The following DEPTOR variants were observed in gnomAD, a reference collection of about 807,000 sequenced individuals.
The protein encoded by DEPTOR is DEP domain-containing mTOR-interacting protein.
A neutral mutation model predicts 41.6 loss-of-function variants in DEPTOR; 41 were observed. That is an observed-to-expected ratio of 0.98 (90% CI 0.77 to 1.28). The LOEUF is 1.28. Among genes scored for constraint, DEPTOR ranks in the 50% most tolerant of loss-of-function variants. DEPTOR has a pLI of 0.00. For missense variants in DEPTOR, 514 were observed against 527.9 expected (o/e 0.97, Z 0.26); for synonymous variants, 195 against 192.3 (o/e 1.01, Z -0.12).
intron 1 of DEPTOR, among the ~76,000 whole-genome samples, chr8:119,899,759 T>C: frequency 6.6e-6 from 1 of 152,224 alleles, no homozygotes; most frequent in East Asian, 1.9e-4. Flanking sequence ...TCTGGAAATA[T>C]CTTACCTATC....
intron 3 of DEPTOR, among the ~76,000 whole-genome samples, chr8:119,947,923 T>C (rs1828303643): frequency 6.6e-6 from 1 of 152,008 alleles, no homozygotes; most frequent in African/African-American, 2.4e-5. Context: ...TCCCCCATCC[T>C]CTCCCTGCCC....
At chr8:119,900,533 T>C (rs1827577076) in intron 1 of DEPTOR, among the ~76,000 whole-genome samples, 1 of 151,384 alleles carries the variant, frequency 6.6e-6, no homozygotes, top group South Asian at 2.1e-4. Flanking sequence ...ACTACAGGCA[T>C]GTGCCACCAC....
At chr8:120,016,890 G>T (rs1812620167) in intron 8 of DEPTOR, among the ~76,000 whole-genome samples, 1 of 152,074 alleles carries the variant, frequency 6.6e-6, no homozygotes, top group South Asian at 2.1e-4. Context: ...TGAGATTACA[G>T]GCTTAAGCCA....
chr8:119,979,410 G>A (rs1032443935), intron 4 of DEPTOR, among the ~76,000 whole-genome samples: 1 of 151,942 alleles, frequency 6.6e-6, no homozygotes, highest in Non-Finnish European at 1.5e-5. Context: ...CCAAGTAGCT[G>A]GGACTATGGG....
At chr8:119,897,208 A>G (rs1827531233) in intron 1 of DEPTOR, among the ~76,000 whole-genome samples, 1 of 152,332 alleles carries the variant, frequency 6.6e-6, no homozygotes, top group East Asian at 1.9e-4. Flanking sequence ...TAAGGGATAG[A>G]TTATCCAACA....
At chr8:119,959,714 A>G (rs1828465920) in intron 3 of DEPTOR, among the ~76,000 whole-genome samples, 1 of 151,894 alleles carries the variant, frequency 6.6e-6, no homozygotes, top group African/African-American at 2.4e-5. Context: ...TATTTTTAGT[A>G]GAGATGGGGT....
intron 1 of DEPTOR, among the ~76,000 whole-genome samples, chr8:119,921,768 G>GT (rs1827898956): frequency 7.5e-6 from 1 of 133,044 alleles, no homozygotes; most frequent in African/African-American, 3.0e-5. Flanking sequence ...TTGTTTGTTT[G>GT]TTTGTTTTTT....
chr8:119,964,026 G>A (rs1180732447), intron 3 of DEPTOR, among the ~76,000 whole-genome samples: 2 of 152,120 alleles, frequency 1.3e-5, no homozygotes, highest in Non-Finnish European at 2.9e-5. Context: ...CTGCTTCTTG[G>A]TTTGCAGATG....
intron 1 of DEPTOR, among the ~76,000 whole-genome samples, chr8:119,883,331 C>T (rs1450087858): frequency 1.3e-5 from 2 of 151,714 alleles, no homozygotes; most frequent in African/African-American, 2.4e-5. Context: ...AAACATTAGC[C>T]GGGTGTGGTG....
At chr8:119,891,023 G>A (rs954824637) in intron 1 of DEPTOR, 2 of 152,144 alleles carry the variant, frequency 1.3e-5, no homozygotes, top group African/African-American at 4.8e-5. Context: ...TTAAGCTTAT[G>A]TAACATTAAA....
chr8:119,887,748 G>A (rs150213474), intron 1 of DEPTOR, among the ~76,000 whole-genome samples: 2,790 of 151,248 alleles, frequency 0.018, 85 homozygotes, highest in African/African-American at 0.063. Flanking sequence ...CAAGTGATCC[G>A]CCCACCTCAG....
chr8:120,024,042 C>T (rs191909213), intron 8 of DEPTOR, among the ~76,000 whole-genome samples: 7 of 152,194 alleles, frequency 4.6e-5, no homozygotes, highest in Non-Finnish European at 1.0e-4. Flanking sequence ...TTGAGACTAG[C>T]CTGGCCAACA....
intron 1 of DEPTOR, among the ~76,000 whole-genome samples, chr8:119,880,963 G>A (rs1827290092): frequency 6.6e-6 from 1 of 152,190 alleles, no homozygotes; most frequent in Non-Finnish European, 1.5e-5. Context: ...CCTCTACCAA[G>A]ATGAAGTGTG....
intron 8 of DEPTOR, among the ~76,000 whole-genome samples, chr8:120,012,686 A>G (rs1812547346): frequency 6.6e-6 from 1 of 151,914 alleles, no homozygotes; most frequent in Non-Finnish European, 1.5e-5. Context: ...ACAGGCACGC[A>G]CCACCATGCC....
chr8:119,885,754 A>AAT (rs1462794535), intron 1 of DEPTOR, among the ~76,000 whole-genome samples: 3 of 152,246 alleles, frequency 2.0e-5, no homozygotes, highest in African/African-American at 7.2e-5. Flanking sequence ...TTTTACAGTG[A>AAT]ATACTCATGT....
At chr8:119,927,592 A>T (rs1209205032) in intron 1 of DEPTOR, among the ~76,000 whole-genome samples, 2 of 146,902 alleles carry the variant, frequency 1.4e-5, no homozygotes, top group Non-Finnish European at 3.0e-5. Context: ...CATATATATT[A>T]TATATATATA....
In DEPTOR at chr8:120,030,497, GTTTTT is replaced by G. The variant is rs1171655489; in HGVS notation, c.1102-19055_1102-19051del. Among the ~76,000 whole-genome samples, 29 of 46,206 alleles carry G rather than the reference GTTTTT, an allele frequency of 6.3e-4. 1 individual carries two copies. Among genetic ancestry groups the G allele is most frequent in the South Asian group, 3.6e-3 (3 of 824 alleles). The allele number at this position is 46,206 out of a possible 152,430, so 30.3% of individuals were successfully genotyped here. A position where few individuals can be genotyped will look rare whatever the true frequency, so the allele number is the denominator to read the frequency against. ...AATGATGTATTGTGTAGGTTCATCAGTTTTTTTTTTTTTTTTTTTTTTTTTTTTAG... is the reference window on the plus strand; with the variant it reads ...AATGATGTATTGTGTAGGTTCATCAGTTTTTTTTTTTTTTTTTTTTTTTAG... On this transcript the variant is annotated intron_variant, in intron 8 of 8. Coordinates refer to ENST00000286234, the MANE Select transcript of DEPTOR (RefSeq NM_022783.4).
At position 119,912,233 on chromosome 8, in the gene DEPTOR, T is replaced by A. The variant is rs140296489; in HGVS notation, c.123-16167T>A. On this transcript the variant is annotated intron_variant, in intron 1 of 8. Coordinates refer to ENST00000286234, the MANE Select transcript of DEPTOR (RefSeq NM_022783.4). The stretch of plus-strand genomic sequence containing the variant: ...CAGAAAGGAAGGATTGGGCTAAAAT[T>A]GGAAGAGGAAAATAATGTTGGATAG... Among the ~76,000 whole-genome samples, 425 of 152,176 alleles carry A rather than the reference T, an allele frequency of 2.8e-3. 3 individuals carry two copies. The highest frequency in any genetic ancestry group is 8.8e-3 in the African/African-American group (364 of 41,522).
chr8:119,936,000 T>G (rs974281012), intron 3 of DEPTOR, among the ~76,000 whole-genome samples: 1 of 14,814 alleles, frequency 6.8e-5, no homozygotes, highest in East Asian at 6.9e-4. Flanking sequence ...AGTCTAGTTG[T>G]TTTTTTTTTT....
Sources: allele counts gnomAD v4.1 joint callset (sites outside exome capture counted in the v4.1 genomes callset), GRCh38; gene constraint gnomAD v4.1.1; transcripts MANE v1.5; gene names NCBI Gene and HGNC (gene_info 2026-07-23, HGNC 2026-07-21).